ENAM: variants seen among roughly 807,000 people sequenced by gnomAD.
ENAM encodes amelogenesis imperfecta 2, hypocalcification (autosomal dominant).
ENAM carries 21 observed loss-of-function variants against 33.6 expected under a neutral mutation model. That is an observed-to-expected ratio of 0.63 (90% CI 0.44 to 0.90). The LOEUF (loss-of-function observed/expected upper bound fraction) is 0.90, where lower values mean the gene tolerates loss of function less well. ENAM is among the 40% of genes least tolerant of loss of function. The pLI, the probability that ENAM is intolerant of heterozygous loss-of-function variation, is 0.00. For missense variants in ENAM, 1,388 were observed against 1,366.9 expected (o/e 1.02, Z -0.24); for synonymous variants, 473 against 468.4 (o/e 1.01, Z -0.13).
In ENAM at chr4:70,643,680, G is replaced by C. The variant is rs769115693; in HGVS notation, c.2254G>C (p.Ala752Pro). ...ESRGYYVNNA[A>P]GPEESTLFPS... ...CAGGGGCTACTACGTTAATAATGCC[G>C]CTGGACCAGAAGAAAGCACTCTATT... Residue 752 changes from alanine (A) to proline (P), a missense_variant, in exon 9 of 9, where the codon GCT becomes CCT. By Grantham distance (27) the Ala-to-Pro change is conservative. Transcript: ENST00000396073. The C allele has an allele frequency of 1.9e-6, 3 of 1,614,070 alleles. No homozygotes were observed.
chr4:70,642,974 G>A lies in ENAM; in HGVS notation c.1548G>A (p.Leu516=). ...NSDGQTQSQN[L]PKGIVLGSRR... is the part of the protein sequence containing the mutation. The stretch of plus-strand genomic sequence containing the variant: ...ATGGACAAACCCAAAGCCAGAATTT[G>A]CCCAAAGGGATTGTTTTAGGGTCAA... The change falls in exon 9 of 9, where the codon TTG becomes TTA. Residue 516 remains leucine, a synonymous_variant. Coordinates refer to ENST00000396073, the MANE Select transcript of ENAM (RefSeq NM_031889.3). 1.2e-6 allele frequency: 2 copies of A among 1,614,096 alleles called. No homozygotes were observed. The highest frequency in any genetic ancestry group is 1.7e-6 in the Non-Finnish European group (2 of 1,180,020).
chr4:70,642,770 A>G lies in ENAM; in HGVS notation c.1344A>G (p.Ile448Met). Residue 448 changes from isoleucine (I) to methionine (M), a missense_variant, in exon 9 of 9, where the codon ATA becomes ATG. Transcript: ENST00000396073. ...CCCTGGGTCCAAAAGAACAAATAAT[A>G]GTTCCTACAAAGAATCCAACCAGCC... The part of the protein sequence containing the change: ...EKPLGPKEQI[I>M]VPTKNPTSPW... 1 of 1,612,664 alleles carries G rather than the reference A, an allele frequency of 6.2e-7. No individual in the cohort carries two copies. The highest frequency in any genetic ancestry group is 1.1e-5 in the South Asian group (1 of 90,644).
chr4:70,629,724 G>T (rs1259864189), intron 2 of ENAM, among the ~76,000 whole-genome samples, 170 bp downstream of exon 2: 1 of 152,092 alleles, frequency 6.6e-6, no homozygotes, highest in African/African-American at 2.4e-5. Flanking sequence ...GTACTTTGTG[G>T]CAATCATTAT....
In ENAM at chr4:70,642,744, C is replaced by A. The variant is rs868320691; in HGVS notation, c.1318C>A (p.Pro440Thr). Residue 440 changes from proline (P) to threonine (T), a missense_variant, in exon 9 of 9, where the codon CCC (proline) becomes ACC (threonine). By Grantham distance (38) the Pro-to-Thr change is conservative. Transcript: ENST00000396073. Reference sequence around the variant, plus strand: ...AAAAATCCAAAATCCAAAGGAGAAGCCCCTGGGTCCAAAAGAACAAATAAT... The same window carrying A: ...AAAAATCCAAAATCCAAAGGAGAAGACCCTGGGTCCAAAAGAACAAATAAT... Reference protein sequence around the residue: ...NEKIQNPKEKPLGPKEQIIVP... With the variant: ...NEKIQNPKEKTLGPKEQIIVP... 6.2e-7 allele frequency: 1 copy of A among 1,608,672 alleles called. No homozygotes were observed. The highest frequency in any genetic ancestry group is 8.5e-7 in the Non-Finnish European group (1 of 1,178,224).
chr4:70,644,855 G>T lies in ENAM; in HGVS notation c.3429G>T (p.Ter1143TyrextTer29). The change falls in exon 9 of 9, where the codon TAG becomes TAT. Residue 1143 changes from the stop codon to tyrosine (Y), a stop_lost. Transcript: ENST00000396073. ...AAGACTGCTTACTACTTCAGGCCTA[G>T]GGGTTATCCAACCAAGCATTCTTGG... ...QVQDCLLLQA[*>Y] The T allele has an allele frequency of 6.2e-7, 1 of 1,612,602 alleles. No individual in the cohort carries two copies. Among genetic ancestry groups the T allele is most frequent in the South Asian group, 1.1e-5 (1 of 91,040 alleles).
chr4:70,638,552 G>C (rs1375394450), intron 8 of ENAM, among the ~76,000 whole-genome samples: 1 of 146,018 alleles, frequency 6.8e-6, no homozygotes, highest in Non-Finnish European at 1.5e-5. Context: ...CTCCAGCCTG[G>C]GTGACAGAGC....
Position 70,642,709 on chromosome 4 carries a change from T to C in ENAM, c.1283T>C (p.Val428Ala), listed in dbSNP as rs1738634263. The C allele has an allele frequency of 6.2e-7, 1 of 1,605,606 alleles. No homozygotes were observed. Among genetic ancestry groups the C allele is most frequent in the Admixed American group, 1.7e-5 (1 of 58,200 alleles). ...APLGPKPGPV[V>A]RNEKIQNPKE... The stretch of plus-strand genomic sequence containing the variant: ...CTGGGTCCCAAACCTGGCCCTGTTG[T>C]TCGCAATGAAAAAATCCAAAATCCA... Residue 428 changes from valine (V) to alanine (A), a missense_variant, in exon 9 of 9, where the codon GTT (valine) becomes GCT (alanine). Transcript: ENST00000396073.
chr4:70,644,097 G>C lies in ENAM; in HGVS notation c.2671G>C (p.Asp891His), dbSNP rs779614300. 1 of 1,614,008 alleles carries C rather than the reference G, an allele frequency of 6.2e-7. No individual in the cohort carries two copies. Among genetic ancestry groups the C allele is most frequent in the South Asian group, 1.1e-5 (1 of 91,066 alleles). The change falls in exon 9 of 9, where the codon GAC (aspartate) becomes CAC (histidine). Residue 891 changes from aspartate (D) to histidine (H), a missense_variant. Physicochemically the swap from Asp to His is moderately conservative, Grantham distance 81. Coordinates refer to ENST00000396073, the MANE Select transcript of ENAM (RefSeq NM_031889.3). Reference protein sequence around the residue: ...GPKDNPLALQDYTPSYGLAPG... With the variant: ...GPKDNPLALQHYTPSYGLAPG... ...CAAGGACAATCCACTAGCTCTACAA[G>C]ACTACACTCCATCCTATGGTCTTGC...
At chr4:70,637,761 CTG>C in intron 7 of ENAM, 27 bp from the exon 8 acceptor site, 1 of 1,600,112 alleles carries the variant, frequency 6.2e-7, no homozygotes, top group Non-Finnish European at 8.6e-7. Flanking sequence ...TGGTTTTCTC[CTG>C]TGTTCACTGT....
chr4:70,634,351 A>T lies in ENAM; in HGVS notation c.254A>T (p.Gln85Leu). 1 of 1,614,096 alleles carries T rather than the reference A, an allele frequency of 6.2e-7. No individual in the cohort carries two copies. The highest frequency in any genetic ancestry group is 1.6e-4 in the Middle Eastern group (1 of 6,062). ...TTCTTTGGAAACGGTCTCCCTCAGC[A>T]ATTTCCACAGTACCAGATGCCCATG... is the stretch of plus-strand genomic sequence containing the variant. ...GPFFGNGLPQ[Q>L]FPQYQMPMWP... The change falls in exon 6 of 9, where the codon CAA becomes CTA. Residue 85 changes from glutamine to leucine, a missense_variant. By Grantham distance (113) the Gln-to-Leu change is moderately radical. Coordinates refer to ENST00000396073, the MANE Select transcript of ENAM (RefSeq NM_031889.3).
rs1318889673 is a variant in ENAM at position 70,634,485 on chromosome 4, T to C, written c.388T>C (p.Ser130Pro). 6.2e-7 allele frequency: 1 copy of C among 1,613,830 alleles called. No homozygotes were observed. Among genetic ancestry groups the C allele is most frequent in the Admixed American group, 1.7e-5 (1 of 59,990 alleles). Reference protein sequence around the residue: ...QETQKPNQTQSKKPPQKRPLK... With the variant: ...QETQKPNQTQPKKPPQKRPLK... ...AACCCAGAAACCCAACCAGACTCAG[T>C]CAAAAAAGCCACCACAAAAGCGGCC... Residue 130 changes from serine to proline, a missense_variant, in exon 6 of 9, where the codon TCA becomes CCA. By Grantham distance (74) the Ser-to-Pro change is moderately conservative. Transcript: ENST00000396073.
At chr4:70,636,764 G>A (rs573348403) in intron 7 of ENAM, among the ~76,000 whole-genome samples, 48 of 147,204 alleles carry the variant, frequency 3.3e-4, no homozygotes, top group Non-Finnish European at 5.7e-4. Flanking sequence ...GCGAGACTCC[G>A]TCTCAAAAAA....
At position 70,632,562 on chromosome 4, in the gene ENAM, A is replaced by G. The variant is rs537015070; in HGVS notation, c.169-89A>G. The G allele has an allele frequency of 4.9e-6, 5 of 1,029,860 alleles. No individual in the cohort carries two copies. The South Asian group carries it at 6.3e-5, about 13-fold the overall frequency. The allele number at this position is 1,029,860 out of a possible 1,614,324, so 63.8% of individuals were successfully genotyped here. On this transcript the variant is annotated intron_variant, in intron 4 of 8. Coordinates refer to ENST00000396073, the MANE Select transcript of ENAM (RefSeq NM_031889.3). ...ACACTGGGAAGTTCTAAGGTTAAAA[A>G]AAGAAATTTTACTTATTTCTTACGA...
chr4:70,643,299 G>A lies in ENAM; in HGVS notation c.1873G>A (p.Asp625Asn). 1 of 1,613,900 alleles carries A rather than the reference G, an allele frequency of 6.2e-7. No homozygotes were observed. The highest frequency in any genetic ancestry group is 2.2e-5 in the East Asian group (1 of 44,872). The change falls in exon 9 of 9, where the codon GAT (aspartate) becomes AAT (asparagine). Residue 625 changes from aspartate (D) to asparagine (N), a missense_variant. Coordinates refer to ENST00000396073, the MANE Select transcript of ENAM (RefSeq NM_031889.3). ...AGGCAATACATGGGATGAGAGAGAT[G>A]ATTCTCCCAATACTATGGGGCAAAA... ...LRGNTWDERD[D>N]SPNTMGQKES...
chr4:70,632,684 G>A lies in ENAM; in HGVS notation c.202G>A (p.Gly68Ser), dbSNP rs768448571. The A allele has an allele frequency of 6.8e-5, 109 of 1,598,696 alleles. No homozygotes were observed. Among genetic ancestry groups the A allele is most frequent in the Middle Eastern group, 1.7e-4 (1 of 6,050 alleles). The change falls in exon 5 of 9, where the codon GGC becomes AGC. Residue 68 changes from glycine (G) to serine (S), a missense_variant. Gly to Ser is a moderately conservative substitution (Grantham distance 56). Coordinates refer to ENST00000396073, the MANE Select transcript of ENAM (RefSeq NM_031889.3). ...MRYNQFNFMN[G>S]PHMAHLGPFF... ...GTATAATCAATTCAACTTTATGAAC[G>A]GCCCACATGTAAGTTTTTCTTTATG...
At chr4:70,637,090 T>C (rs1738470407) in intron 7 of ENAM, among the ~76,000 whole-genome samples, 1 of 152,186 alleles carries the variant, frequency 6.6e-6, no homozygotes, top group South Asian at 2.1e-4. Context: ...ACATTTTTCC[T>C]CCTTAAAAGA....
At chr4:70,632,577 ATTTC>A (rs931418458) in intron 4 of ENAM, 70 bp from the exon 5 acceptor site, 8 of 1,131,684 alleles carry the variant, frequency 7.1e-6, no homozygotes, top group Non-Finnish European at 9.5e-6. Context: ...AATTTTACTT[ATTTC>A]TTACGATTTG....
At position 70,642,332 on chromosome 4, in the gene ENAM, G is replaced by T; in HGVS notation, c.906G>T (p.Gly302=). The T allele has an allele frequency of 6.2e-7, 1 of 1,614,140 alleles. No individual in the cohort carries two copies. The highest frequency in any genetic ancestry group is 1.1e-5 in the South Asian group (1 of 91,078). ...CAGTCAACGCTTCAGGCCAGGGAGG[G>T]CCAGGAAGTCAAATCCCATGGAGAC... ...LPAVNASGQG[G]PGSQIPWRPS... is the part of the protein sequence containing the mutation. The change falls in exon 9 of 9, where the codon GGG becomes GGT. Residue 302 remains glycine (G), a synonymous_variant. Transcript: ENST00000396073.
chr4:70,637,537 C>A, intron 7 of ENAM: 1 of 492,404 alleles, frequency 2.0e-6, no homozygotes, highest in Non-Finnish European at 3.7e-6. Flanking sequence ...CCAACAGATG[C>A]AGCCATACAG....
Sources: gnomAD v4.1 joint callset for allele counts (sites outside exome capture counted in the v4.1 genomes callset) on GRCh38, gnomAD v4.1.1 for gene constraint, MANE v1.5 for transcripts, NCBI Gene and HGNC (gene_info 2026-07-23, HGNC 2026-07-21) for gene names.